ABCC3: variants seen among roughly 807,000 people sequenced by gnomAD.
The protein encoded by ABCC3 is ATP-binding cassette sub-family C member 3.
A neutral mutation model predicts 165.3 loss-of-function variants in ABCC3; 121 were observed. That is an observed-to-expected ratio of 0.73 (90% CI 0.63 to 0.85). The LOEUF is 0.85. ABCC3 is among the 40% of genes least tolerant of loss of function. The pLI is 0.00. For missense variants in ABCC3, 1,869 were observed against 1,964.1 expected (o/e 0.95, Z 0.92); for synonymous variants, 733 against 810.1 (o/e 0.90, Z 1.62).
intron 1 of ABCC3, among the ~76,000 whole-genome samples, chr17:50,644,009 A>G (rs185812954): frequency 5.3e-4 from 81 of 152,206 alleles, no homozygotes; most frequent in African/African-American, 1.5e-3. Context: ...GCTGCCCCAG[A>G]TGGGATTAAG....
chr17:50,658,867 C>G (rs1967316268), intron 6 of ABCC3, among the ~76,000 whole-genome samples: 1 of 152,230 alleles, frequency 6.6e-6, no homozygotes, highest in Non-Finnish European at 1.5e-5. Flanking sequence ...GTGTCTGTGA[C>G]CTGGGTGACA....
intron 2 of ABCC3, 138 bp downstream of exon 2, chr17:50,656,146 CAT>C: frequency 4.3e-6 from 3 of 704,966 alleles, no homozygotes; most frequent in South Asian, 4.5e-5. Flanking sequence ...AGTGCAGTGG[CAT>C]GATCTTGGCT....
chr17:50,673,566 CA>C lies in ABCC3; in HGVS notation c.2508del (p.Ala837ProfsTer42). Reference protein sequence around the residue: ...DGQVSEMGPYPALLQRNGSFA... With the variant: ...DGQVSEMGPYXALLQRNGSFA... ...CAGGTGTCTGAGATGGGCCCGTACC[CA>C]GCCCTGCTGCAGCGCAACGGCTCCT... On this transcript the variant is annotated frameshift_variant, in exon 19 of 31. Coordinates refer to ENST00000285238, the MANE Select transcript of ABCC3 (RefSeq NM_003786.4). LOFTEE classifies it high-confidence loss of function. The C allele has an allele frequency of 6.2e-7, 1 of 1,614,226 alleles. No individual in the cohort carries two copies. The highest frequency in any genetic ancestry group is 1.1e-5 in the South Asian group (1 of 91,084).
rs926664992 is a variant in ABCC3, at chr17:50,668,484, C to A, written c.1837C>A (p.Pro613Thr). The change falls in exon 14 of 31, where the codon CCC becomes ACC. Residue 613 changes from proline to threonine, a missense_variant. Pro to Thr is a conservative substitution (Grantham distance 38). Coordinates refer to ENST00000285238, the MANE Select transcript of ABCC3 (RefSeq NM_003786.4). The stretch of plus-strand genomic sequence containing the variant: ...ATTCCTGAGCCAAGAGGAACTTGAC[C>A]CCCAGAGTGTGGAAAGAAAGACCAT... ...QQFLSQEELD[P>T]QSVERKTISP... is the part of the protein sequence containing the mutation. 1.2e-6 allele frequency: 2 copies of A among 1,613,850 alleles called. No individual in the cohort carries two copies.
At chr17:50,643,806 G>A in intron 1 of ABCC3, 1 of 363,756 alleles carries the variant, frequency 2.7e-6, no homozygotes, top group South Asian at 2.0e-5. Flanking sequence ...TTGGCTGTGG[G>A]GGAAGGGAGC....
rs893394185 is a variant in ABCC3, at chr17:50,677,770, A to G, written c.3405A>G (p.Gln1135=). The change falls in exon 24 of 31, where the codon CAA becomes CAG. Residue 1135 remains glutamine, a synonymous_variant. Coordinates refer to ENST00000285238, the MANE Select transcript of ABCC3 (RefSeq NM_003786.4). ...GCTTCTATGCAGCCACATCACGGCA[A>G]CTGAAGCGGCTGGAATCAGTCAGCC... ...VQRFYAATSR[Q]LKRLESVSRS... is the part of the protein sequence containing the mutation. 1 of 1,614,104 alleles carries G rather than the reference A, an allele frequency of 6.2e-7. No homozygotes were observed. Among genetic ancestry groups the G allele is most frequent in the Non-Finnish European group, 8.5e-7 (1 of 1,180,020 alleles).
chr17:50,656,922 C>A, intron 3 of ABCC3, 95 bp downstream of exon 3: 2 of 1,548,758 alleles, frequency 1.3e-6, no homozygotes, highest in Admixed American at 2.0e-5. Context: ...GAGGGCTGGA[C>A]ATATTGGGAA....
intron 11 of ABCC3, among the ~76,000 whole-genome samples, chr17:50,667,248 TAAG>T (rs1397453497): frequency 1.3e-5 from 2 of 151,928 alleles, no homozygotes; most frequent in Non-Finnish European, 2.9e-5. Context: ...GCAATAATAA[TAAG>T]AAGAAGAAAA....
chr17:50,659,045 C>A, intron 6 of ABCC3, 192 bp from the exon 7 acceptor site: 1 of 574,972 alleles, frequency 1.7e-6, no homozygotes, highest in South Asian at 2.6e-5. Flanking sequence ...GTGGTAGGAA[C>A]TTCGGAGGGA....
rs371536749 is a variant in ABCC3 at position 50,676,155 on chromosome 17, C to A, written c.3067+65C>A. ...CTTCTTCTCTGGGCTGCCAGGCCCC[C>A]CAAACCGTGCCCTTGCATCCAAGCC... On this transcript the variant is annotated intron_variant, in intron 22 of 30. Transcript: ENST00000285238. The A allele has an allele frequency of 6.9e-6, 11 of 1,599,034 alleles. No individual in the cohort carries two copies. The African/African-American group carries it at 1.2e-4, about 18-fold the overall frequency.
chr17:50,683,184 G>C (rs1434576362), intron 26 of ABCC3, among the ~76,000 whole-genome samples: 2 of 151,846 alleles, frequency 1.3e-5, no homozygotes, highest in African/African-American at 2.4e-5. Context: ...ACTCCAGCCT[G>C]AGTGACAGAA....
At chr17:50,668,192 A>G (rs1967567700) in intron 13 of ABCC3, among the ~76,000 whole-genome samples, 183 bp downstream of exon 13, 2 of 152,162 alleles carry the variant, frequency 1.3e-5, no homozygotes, top group Admixed American at 6.5e-5. Flanking sequence ...TTGGAGTCAC[A>G]GGTGGTCAGG....
At chr17:50,662,676 G>C (rs1238458472) in intron 8 of ABCC3, among the ~76,000 whole-genome samples, 2 of 148,836 alleles carry the variant, frequency 1.3e-5, no homozygotes, top group African/African-American at 5.0e-5. Context: ...AGAGACACCA[G>C]TCACTGGGCT....
chr17:50,684,002 G>A lies in ABCC3; in HGVS notation c.4008G>A (p.Leu1336=), dbSNP rs11568589. 10,206 of 1,613,366 alleles carry A rather than the reference G, an allele frequency of 6.3e-3. 45 individuals carry two copies. The highest frequency in any genetic ancestry group is 6.9e-3 in the Non-Finnish European group (8,157 of 1,179,728). ...GAGKSSMTLC[L]FRILEAAKGE... ...GCAAGTCTTCCATGACCCTTTGCCT[G>A]TTCCGCATCCTGGAGGCGGCAAAGG... is the stretch of plus-strand genomic sequence containing the variant. The change falls in exon 28 of 31, where the codon CTG becomes CTA. Residue 1336 remains leucine (L), a synonymous_variant. Transcript: ENST00000285238.
At chr17:50,683,566 C>A in intron 26 of ABCC3, 44 bp from the exon 27 acceptor site, 1 of 1,495,460 alleles carries the variant, frequency 6.7e-7, no homozygotes, top group South Asian at 1.4e-5. Context: ...TGAAAGAGGG[C>A]TTCACTGGGC....
intron 1 of ABCC3, among the ~76,000 whole-genome samples, chr17:50,636,066 C>G (rs2054176996): frequency 6.6e-6 from 1 of 152,060 alleles, no homozygotes; most frequent in South Asian, 2.1e-4. Flanking sequence ...CTCTATGAGG[C>G]AAGTGATCAT....
In ABCC3 at chr17:50,675,352, C is replaced by G; in HGVS notation, c.2600-10C>G. On this transcript the variant is annotated splice_polypyrimidine_tract_variant and intron_variant, in intron 19 of 30. Transcript: ENST00000285238. ...CTGAACCCTATCTCCTTCCTCCCAC[C>G]CTACTGCAGCGTTGGAAGGTGCAGA... 7 of 1,597,522 alleles carry G rather than the reference C, an allele frequency of 4.4e-6. No homozygotes were observed. Among genetic ancestry groups the G allele is most frequent in the Non-Finnish European group, 6.0e-6 (7 of 1,169,614 alleles).
At chr17:50,651,315 T>C (rs1967112081) in intron 1 of ABCC3, among the ~76,000 whole-genome samples, 1 of 152,206 alleles carries the variant, frequency 6.6e-6, no homozygotes, top group South Asian at 2.1e-4. Flanking sequence ...CAAAATTTCA[T>C]TTGTATCCCT....
chr17:50,654,162 T>G (rs1967174611), intron 1 of ABCC3, among the ~76,000 whole-genome samples: 1 of 152,066 alleles, frequency 6.6e-6, no homozygotes, highest in Non-Finnish European at 1.5e-5. Context: ...TTGATAAAAA[T>G]AAAAATAATA....
Sources: gnomAD v4.1 joint callset for allele counts (sites outside exome capture counted in the v4.1 genomes callset) on GRCh38, gnomAD v4.1.1 for gene constraint, MANE v1.5 for transcripts, NCBI Gene and HGNC (gene_info 2026-07-23, HGNC 2026-07-21) for gene names.